The following FAM135B variants were observed in gnomAD, a reference collection of about 807,000 sequenced individuals.
The protein encoded by FAM135B is family with sequence similarity 135 member B.
FAM135B carries 43 observed loss-of-function variants against 127.7 expected under a neutral mutation model. That is an observed-to-expected ratio of 0.34 (90% CI 0.26 to 0.43). FAM135B has a LOEUF of 0.43. Ranked by LOEUF, FAM135B falls within the 20% of genes least tolerant of loss-of-function variation. FAM135B has a pLI of 1.00. For missense variants in FAM135B, 1,558 were observed against 1,725.6 expected (o/e 0.90, Z 1.72); for synonymous variants, 670 against 665.1 (o/e 1.01, Z -0.11).
chr8:138,301,404 T>A (rs575664752), intron 3 of FAM135B, among the ~76,000 whole-genome samples: 1 of 152,354 alleles, frequency 6.6e-6, no homozygotes, highest in Non-Finnish European at 1.5e-5. Context: ...TTAATGACTA[T>A]GAGAACTCTA....
chr8:138,376,300 T>C (rs891745712), intron 1 of FAM135B, among the ~76,000 whole-genome samples: 3 of 152,130 alleles, frequency 2.0e-5, no homozygotes, highest in African/African-American at 7.2e-5. Flanking sequence ...CAGTTCTCAC[T>C]ATCATTAGCT....
At chr8:138,348,982 G>A (rs1307907971) in intron 2 of FAM135B, among the ~76,000 whole-genome samples, 3 of 152,210 alleles carry the variant, frequency 2.0e-5, no homozygotes, top group East Asian at 1.9e-4. Context: ...AGGCCCCTCT[G>A]GCACCAGACT....
intron 3 of FAM135B, among the ~76,000 whole-genome samples, chr8:138,300,986 G>T (rs1825846218): frequency 6.6e-6 from 1 of 152,024 alleles, no homozygotes. Flanking sequence ...TCTCGACTTT[G>T]TGATCTGCCC....
intron 2 of FAM135B, among the ~76,000 whole-genome samples, chr8:138,342,057 CT>C (rs1829086368): frequency 6.6e-6 from 1 of 152,192 alleles, no homozygotes; most frequent in Non-Finnish European, 1.5e-5. Context: ...TTAATTACTG[CT>C]AGAAACACCT....
intron 2 of FAM135B, among the ~76,000 whole-genome samples, chr8:138,365,224 A>G (rs1003002514): frequency 1.3e-5 from 2 of 152,192 alleles, no homozygotes; most frequent in Non-Finnish European, 2.9e-5. Flanking sequence ...CTAATTCAAT[A>G]TGAGACTTTA....
intron 3 of FAM135B, 30 bp downstream of exon 3, chr8:138,310,811 C>G (rs765896736): frequency 6.2e-7 from 1 of 1,605,786 alleles, no homozygotes. Context: ...CCATTGGGGG[C>G]AAGTGCCCCA....
At chr8:138,220,173 G>C (rs1818918650) in intron 7 of FAM135B, among the ~76,000 whole-genome samples, 1 of 151,932 alleles carries the variant, frequency 6.6e-6, no homozygotes, top group South Asian at 2.1e-4. Flanking sequence ...AACTAAAGCA[G>C]GTATATAACT....
chr8:138,186,261 C>A (rs941115859), intron 9 of FAM135B, among the ~76,000 whole-genome samples: 8 of 152,172 alleles, frequency 5.3e-5, no homozygotes, highest in African/African-American at 1.9e-4. Flanking sequence ...GCAAGTAAGT[C>A]CTGCTTGGTA....
intron 7 of FAM135B, among the ~76,000 whole-genome samples, chr8:138,229,194 C>T (rs937030670): frequency 5.9e-5 from 9 of 152,090 alleles, no homozygotes; most frequent in African/African-American, 2.2e-4. Flanking sequence ...TTGCATCTTC[C>T]CTCCATGCAT....
chr8:138,167,149 T>G (rs779812528), intron 12 of FAM135B, among the ~76,000 whole-genome samples: 2 of 152,040 alleles, frequency 1.3e-5, no homozygotes, highest in African/African-American at 4.8e-5. Context: ...ATGTGCTAAC[T>G]CCATACAGAC....
At chr8:138,162,248 T>C (rs1028424664) in intron 12 of FAM135B, among the ~76,000 whole-genome samples, 6 of 152,108 alleles carry the variant, frequency 3.9e-5, no homozygotes, top group African/African-American at 1.4e-4. Flanking sequence ...ATGGCAAACC[T>C]ATGAAGATAG....
chr8:138,478,881 G>A lies in FAM135B; in HGVS notation c.-20+17790C>T, dbSNP rs541298445. ...ACACTGAGCAATTCTGACACTAACC[G>A]CCTGGGGTCAGTGCAGACCCTGCAG... On this transcript the variant is annotated intron_variant, in intron 1 of 19. Transcript: ENST00000395297. 1.7e-4 allele frequency among the ~76,000 whole-genome samples: 26 copies of A among 152,204 alleles called. No homozygotes were observed. In the Middle Eastern group the frequency reaches 0.01, roughly 60 times the overall value.
intron 2 of FAM135B, among the ~76,000 whole-genome samples, chr8:138,328,663 T>C (rs1046613166): frequency 2.2e-4 from 34 of 152,172 alleles, no homozygotes; most frequent in African/African-American, 8.0e-4. Context: ...GAGCTACCTT[T>C]CACCAGAGGA....
In FAM135B at chr8:138,152,768, C is replaced by T. The variant is rs1818293313; in HGVS notation, c.1707G>A (p.Leu569=). The T allele has an allele frequency of 6.2e-7, 1 of 1,614,054 alleles. No homozygotes were observed. Among genetic ancestry groups the T allele is most frequent in the Non-Finnish European group, 8.5e-7 (1 of 1,180,042 alleles). The stretch of plus-strand genomic sequence containing the variant: ...TCTCATGCTGAGCATTGAAGGCCAC[C>T]AGGGGTTCAGCTCTGGAGGGGTTCT... The part of the protein sequence containing the change: ...SNKNPSRAEP[L]VAFNAQHESR... Residue 569 remains leucine (L), a synonymous_variant, in exon 13 of 20, where the codon CTG becomes CTA. Transcript: ENST00000395297.
Position 138,299,009 on chromosome 8 carries a change from G to A in FAM135B, c.157+11832C>T, listed in dbSNP as rs556657189. On this transcript the variant is annotated intron_variant, in intron 3 of 19. Transcript: ENST00000395297. ...CGGGATGCGGAGGTTGCAATGAGCC[G>A]AGATCGCGCCACCGCACTCCAGCCT... Among the ~76,000 whole-genome samples, 646 of 150,920 alleles carry A rather than the reference G, an allele frequency of 4.3e-3. 6 individuals carry two copies. Among genetic ancestry groups the A allele is most frequent in the African/African-American group, 0.015 (611 of 41,056 alleles).
intron 2 of FAM135B, among the ~76,000 whole-genome samples, chr8:138,340,347 G>T (rs1828958237): frequency 6.6e-6 from 1 of 152,208 alleles, no homozygotes; most frequent in Non-Finnish European, 1.5e-5. Context: ...TATGCTCCAG[G>T]CCTGTGTGAA....
intron 1 of FAM135B, among the ~76,000 whole-genome samples, chr8:138,466,051 C>T (rs1837364356): frequency 6.6e-6 from 1 of 152,200 alleles, no homozygotes; most frequent in African/African-American, 2.4e-5. Context: ...GCTGGGATTA[C>T]AGGCATGAGC....
chr8:138,311,233 T>C (rs1055491125), intron 2 of FAM135B, among the ~76,000 whole-genome samples: 2 of 152,204 alleles, frequency 1.3e-5, no homozygotes, highest in African/African-American at 4.8e-5. Context: ...GTGGGTTTTA[T>C]TTAGTCAAGA....
intron 1 of FAM135B, among the ~76,000 whole-genome samples, chr8:138,372,247 C>A (rs1281584040): frequency 6.6e-6 from 1 of 152,206 alleles, no homozygotes; most frequent in Non-Finnish European, 1.5e-5. Context: ...ACTGTGTAAC[C>A]TCCCTGGAAC....
Sources: gnomAD v4.1 joint callset for allele counts (sites outside exome capture counted in the v4.1 genomes callset) on GRCh38, gnomAD v4.1.1 for gene constraint, MANE v1.5 for transcripts, NCBI Gene and HGNC (gene_info 2026-07-23, HGNC 2026-07-21) for gene names.